GSN: variants seen among roughly 807,000 people sequenced by gnomAD.
GSN encodes the protein gelsolin, also known as actin-depolymerizing factor.
Under a neutral mutation model 85.7 loss-of-function variants are expected in GSN, and 56 were observed. That is an observed-to-expected ratio of 0.65 (90% CI 0.53 to 0.82). The LOEUF (loss-of-function observed/expected upper bound fraction) is 0.82, where lower values mean the gene tolerates loss of function less well. Ranked by LOEUF, GSN falls within the 40% of genes least tolerant of loss-of-function variation. The probability of loss-of-function intolerance (pLI) is 0.00; values close to 1 mark genes in which losing one functional copy is unlikely to be tolerated. For missense variants in GSN, 857 were observed against 979.8 expected (o/e 0.87, Z 1.67); for synonymous variants, 373 against 399.1 (o/e 0.93, Z 0.78).
rs925223420 is a variant in GSN, at chr9:121,261,589, G to A, written c.-340-3565G>A. ...TGAGAAATTTTCGTCAGCTTTGGAG[G>A]AGATAATGCCCAGAGCAGGCATCCA... On this transcript the variant is annotated intron_variant, in intron 6 of 24. Transcript: ENST00000373823. The surrounding 1 kb of genome is among the most constrained non-coding windows in gnomAD (Gnocchi z 4.1). 3.3e-5 allele frequency among the ~76,000 whole-genome samples: 5 copies of A among 152,216 alleles called. No individual in the cohort carries two copies. Among genetic ancestry groups the A allele is most frequent in the Non-Finnish European group, 7.3e-5 (5 of 68,034 alleles).
chr9:121,276,383 T>C (rs1488797655), intron 1 of GSN, among the ~76,000 whole-genome samples: 1 of 152,242 alleles, frequency 6.6e-6, no homozygotes, highest in East Asian at 1.9e-4. Flanking sequence ...CGTGCCAGCC[T>C]GTGGTGACCA....
upstream of GSN, among the ~76,000 whole-genome samples, chr9:121,263,495 C>G (rs561776514): frequency 5.9e-5 from 9 of 152,152 alleles, no homozygotes; most frequent in South Asian, 1.2e-3. Flanking sequence ...GGCTGGGAGG[C>G]CTCAGGAAAC....
chr9:121,216,244 G>A (rs749441598), intron 4 of GSN, among the ~76,000 whole-genome samples: 31 of 152,106 alleles, frequency 2.0e-4, no homozygotes, highest in African/African-American at 6.0e-4. Context: ...CACTGCACCC[G>A]GCCCATCACT....
intron 11 of GSN, among the ~76,000 whole-genome samples, chr9:121,323,371 G>GTTT (rs59056849): frequency 7.6e-5 from 9 of 117,746 alleles, no homozygotes; most frequent in Non-Finnish European, 1.3e-4. Context: ...TCCCATTACC[G>GTTT]TTTTTTTTTT....
intron 14 of GSN, among the ~76,000 whole-genome samples, chr9:121,328,262 T>TTAACA: frequency 6.6e-6 from 1 of 152,250 alleles, no homozygotes; most frequent in South Asian, 2.1e-4. Flanking sequence ...ACAGAAATGG[T>TTAACA]GAAGAGTGAC....
intron 4 of GSN, chr9:121,309,001 GC>G (rs965032903): frequency 2.0e-4 from 31 of 152,328 alleles, no homozygotes; most frequent in African/African-American, 7.5e-4. Flanking sequence ...GGATGGGGTG[GC>G]TGCATTGCTG....
intron 16 of GSN, among the ~76,000 whole-genome samples, chr9:121,330,727 A>G (rs998581440): frequency 2.0e-5 from 3 of 152,208 alleles, no homozygotes; most frequent in African/African-American, 7.2e-5. Flanking sequence ...TTGTAACAAG[A>G]CTCAAAATGG....
chr9:121,278,664 A>C (rs1413008779), intron 1 of GSN, among the ~76,000 whole-genome samples: 1 of 152,106 alleles, frequency 6.6e-6, no homozygotes, highest in Non-Finnish European at 1.5e-5. Flanking sequence ...TGGGATTGTG[A>C]GTGCTGGAAT....
intron 2 of GSN, among the ~76,000 whole-genome samples, chr9:121,294,209 C>T (rs2058988544): frequency 6.6e-6 from 1 of 152,210 alleles, no homozygotes; most frequent in African/African-American, 2.4e-5. Context: ...CCAAAGTCTT[C>T]TGCTGGTTCC....
In GSN at chr9:121,300,928, G is replaced by A. The variant is rs917770436; in HGVS notation, c.-9-1035G>A. ...CTCAGGTGGGCTCACCTCGATTTGC[G>A]AGTGCACCCACTTAGCGTGCACAGA... On this transcript the variant is annotated intron_variant, in intron 2 of 17. Transcript: ENST00000432226. Among the ~76,000 whole-genome samples, 7 of 152,118 alleles carry A rather than the reference G, an allele frequency of 4.6e-5. No homozygotes were observed. The South Asian group carries it at 6.2e-4, about 14-fold the overall frequency.
At chr9:121,212,463 G>A (rs1489304193) in intron 4 of GSN, among the ~76,000 whole-genome samples, 1 of 152,164 alleles carries the variant, frequency 6.6e-6, no homozygotes, top group African/African-American at 2.4e-5. Context: ...CCCTGCCAGG[G>A]AGTCAGTGCC....
At chr9:121,243,590 G>T (rs1279996939) in intron 5 of GSN, among the ~76,000 whole-genome samples, 1 of 152,050 alleles carries the variant, frequency 6.6e-6, no homozygotes, top group African/African-American at 2.4e-5. Flanking sequence ...TTTTTGAGGG[G>T]GGTGGGAGCA....
intron 5 of GSN, chr9:121,238,767 A>C (rs762126341): frequency 1.0e-5 from 5 of 494,028 alleles, no homozygotes; most frequent in Non-Finnish European, 2.1e-5. Context: ...ACCCTGAAAA[A>C]TAAAGTTCCT....
rs376488491 is a variant in GSN, at chr9:121,318,869, G to A, written c.1180G>A (p.Gly394Ser). The A allele has an allele frequency of 1.7e-5, 28 of 1,613,674 alleles. No homozygotes were observed. In the African/African-American group the frequency reaches 2.9e-4, roughly 17 times the overall value. ...AQHGMDDDGT[G>S]QKQIWRIEGS... ...GCACGGCATGGATGACGATGGCACA[G>A]GCCAGAAACAGGTACGTTTAGGGCG... Residue 394 changes from glycine (G) to serine (S), a missense_variant, in exon 10 of 18, where the codon GGC becomes AGC. Gly to Ser is a moderately conservative substitution (Grantham distance 56). Coordinates refer to ENST00000432226, the MANE Select transcript of GSN (RefSeq NM_198252.3). The surrounding 1 kb of genome is among the most constrained non-coding windows in gnomAD (Gnocchi z 4.3).
Position 121,310,817 on chromosome 9 carries a change from G to A in GSN, c.485G>A (p.Gly162Asp). 1 of 1,614,120 alleles carries A rather than the reference G, an allele frequency of 6.2e-7. No individual in the cohort carries two copies. The highest frequency in any genetic ancestry group is 8.5e-7 in the Non-Finnish European group (1 of 1,180,022). The change falls in exon 5 of 18, where the codon GGC (glycine) becomes GAC (aspartate). Residue 162 changes from glycine (G) to aspartate (D), a missense_variant. Transcript: ENST00000432226. ...GTGTCCTGGGAGAGCTTCAACAATG[G>A]CGACTGCTTCATCCTGGACCTGGGC... ...VPVSWESFNN[G>D]DCFILDLGNN... is the part of the protein sequence containing the mutation.
chr9:121,226,156 C>T (rs768878960), intron 4 of GSN, among the ~76,000 whole-genome samples: 1 of 152,200 alleles, frequency 6.6e-6, no homozygotes, highest in Non-Finnish European at 1.5e-5. Flanking sequence ...CTCCCATTGC[C>T]TTCTCTGGGA....
chr9:121,267,352 T>C (rs1421323521), upstream of GSN, among the ~76,000 whole-genome samples: 1 of 152,220 alleles, frequency 6.6e-6, no homozygotes, highest in Non-Finnish European at 1.5e-5. Context: ...TTCCTCAATC[T>C]CCTAAAACAG....
intron 2 of GSN, among the ~76,000 whole-genome samples, chr9:121,294,294 G>A (rs1398440112): frequency 6.6e-6 from 1 of 152,184 alleles, no homozygotes; most frequent in East Asian, 1.9e-4. Context: ...TCCCAGGGGT[G>A]GGTGGTGGGG....
intron 5 of GSN, among the ~76,000 whole-genome samples, chr9:121,246,030 A>T (rs1255414207): frequency 6.6e-6 from 1 of 152,270 alleles, no homozygotes. Flanking sequence ...TGTATTTTTT[A>T]AAAAGAACTT....
Sources: allele counts gnomAD v4.1 joint callset (sites outside exome capture counted in the v4.1 genomes callset), GRCh38; gene constraint gnomAD v4.1.1; non-coding constraint Gnocchi (gnomAD v3.1); transcripts MANE v1.5; gene names NCBI Gene and HGNC (gene_info 2026-07-23, HGNC 2026-07-21).